The following FFAR4 variants were observed in gnomAD, a reference collection of about 807,000 sequenced individuals.
The protein encoded by FFAR4 is free fatty acid receptor 4, also known as G-protein coupled receptor 120.
FFAR4 carries 19 observed loss-of-function variants against 27.0 expected under a neutral mutation model. The ratio of observed to expected loss-of-function variants is 0.70; its 90% CI spans 0.49 to 1.03. The LOEUF (loss-of-function observed/expected upper bound fraction) is 1.03, where lower values mean the gene tolerates loss of function less well. Ranked by LOEUF, FFAR4 falls within the 50% of genes least tolerant of loss-of-function variation. FFAR4 has a pLI of 0.00. For synonymous variants in FFAR4, 254 were observed against 215.6 expected (o/e 1.18, Z -1.56); for missense variants, 476 against 479.0 (o/e 0.99, Z 0.06).
Position 93,567,228 on chromosome 10 carries a change from G to A in FFAR4, c.508G>A (p.Ala170Thr). The A allele has an allele frequency of 6.2e-7, 1 of 1,601,448 alleles. No individual in the cohort carries two copies. The highest frequency in any genetic ancestry group is 1.7e-5 in the Admixed American group (1 of 59,952). ...ALIWGYSAVAALPLCVFFRVV... is the reference protein window; with the variant it reads ...ALIWGYSAVATLPLCVFFRVV... ...CATCTGGGGCTATTCGGCGGTCGCC[G>A]CTCTGCCTCTCTGCGTCTTCTTCCG... Residue 170 changes from alanine (A) to threonine (T), a missense_variant, in exon 1 of 3, where the codon GCT (alanine) becomes ACT (threonine). Ala to Thr is a moderately conservative substitution (Grantham distance 58). Coordinates refer to ENST00000371481, the MANE Select transcript of FFAR4 (RefSeq NM_001195755.2).
Position 93,588,313 on chromosome 10 carries a change from C to G in FFAR4, c.*704C>G, listed in dbSNP as rs544802317. On this transcript the variant is annotated 3_prime_UTR_variant, in exon 3 of 3. Coordinates refer to ENST00000371481, the MANE Select transcript of FFAR4 (RefSeq NM_001195755.2). ...GGGTCACAGCCACCCTGTGCCCTAC[C>G]TTGGACTCGCAAGGGTTTAGGATCA... 1 of 152,096 alleles carries G rather than the reference C, an allele frequency of 6.6e-6. No individual in the cohort carries two copies. The highest frequency in any genetic ancestry group is 2.4e-5 in the African/African-American group (1 of 41,416). The allele number at this position is 152,096 out of a possible 1,614,324, so 9.4% of individuals were successfully genotyped here. A position where few individuals can be genotyped will look rare whatever the true frequency, so the allele number is the denominator to read the frequency against.
intron 2 of FFAR4, among the ~76,000 whole-genome samples, chr10:93,578,957 G>A (rs777948877): frequency 5.9e-5 from 9 of 152,086 alleles, no homozygotes; most frequent in Non-Finnish European, 1.0e-4. Context: ...CGTACCTCAC[G>A]CTTCTCAGCT....
chr10:93,567,245 C>G lies in FFAR4; in HGVS notation c.525C>G (p.Val175=). ...CGGTCGCCGCTCTGCCTCTCTGCGT[C>G]TTCTTCCGAGTCGTCCCGCAACGGC... ...YSAVAALPLC[V]FFRVVPQRLP... Residue 175 remains valine (V), a synonymous_variant, in exon 1 of 3, where the codon GTC becomes GTG. Transcript: ENST00000371481. 1 of 1,601,174 alleles carries G rather than the reference C, an allele frequency of 6.2e-7. No individual in the cohort carries two copies. Among genetic ancestry groups the G allele is most frequent in the Non-Finnish European group, 8.5e-7 (1 of 1,179,712 alleles).
Position 93,589,752 on chromosome 10 carries a change from C to CTATGGTTT in FFAR4, c.*2147_*2154dup, listed in dbSNP as rs888839098. On this transcript the variant is annotated 3_prime_UTR_variant, in exon 3 of 3. Coordinates refer to ENST00000371481, the MANE Select transcript of FFAR4 (RefSeq NM_001195755.2). ...GGAGATATAAATGGTGTTTATAGACCTATGGTTTTATAATACATCCCTTGG... is the reference window on the plus strand; with the variant it reads ...GGAGATATAAATGGTGTTTATAGACCTATGGTTTTATGGTTTTATAATACATCCCTTGG... The CTATGGTTT allele has an allele frequency of 2.6e-5, 4 of 152,188 alleles. No individual in the cohort carries two copies. The East Asian group carries it at 7.7e-4, about 29-fold the overall frequency. 9.4% of individuals were successfully genotyped at this position (152,188 alleles called of 1,614,324 possible).
In FFAR4 at chr10:93,566,798, C is replaced by T. The variant is rs776593554; in HGVS notation, c.78C>T (p.Pro26=). The change falls in exon 1 of 3, where the codon CCC becomes CCT. Residue 26 remains proline (P), a synonymous_variant. Transcript: ENST00000371481. ...AGCAAGCCAACCGCACCCGCTTTCC[C>T]TTCTTCTCCGACGTCAAGGGCGACC... The part of the protein sequence containing the change: ...SLEQANRTRF[P]FFSDVKGDHR... The T allele has an allele frequency of 1.9e-6, 3 of 1,608,628 alleles. No individual in the cohort carries two copies. The Admixed American group carries it at 5.0e-5, about 27-fold the overall frequency.
rs2058251232 is a variant in FFAR4, at chr10:93,589,642, G to C, written c.*2033G>C. 2 of 152,070 alleles carry C rather than the reference G, an allele frequency of 1.3e-5. No individual in the cohort carries two copies. The highest frequency in any genetic ancestry group is 1.3e-4 in the Admixed American group (2 of 15,266). The allele number at this position is 152,070 out of a possible 1,614,324, so 9.4% of individuals were successfully genotyped here. A position where few individuals can be genotyped will look rare whatever the true frequency, so the allele number is the denominator to read the frequency against. On this transcript the variant is annotated 3_prime_UTR_variant, in exon 3 of 3. Coordinates refer to ENST00000371481, the MANE Select transcript of FFAR4 (RefSeq NM_001195755.2). ...CAAGAGTTTCATTTGGAGCTCATCA[G>C]TTTGAAATCTCAGTGAGACTTCCAA...
At position 93,566,833 on chromosome 10, in the gene FFAR4, T is replaced by C; in HGVS notation, c.113T>C (p.Val38Ala). 4 of 1,600,634 alleles carry C rather than the reference T, an allele frequency of 2.5e-6. No individual in the cohort carries two copies. Among genetic ancestry groups the C allele is most frequent in the Non-Finnish European group, 3.4e-6 (4 of 1,175,478 alleles). Residue 38 changes from valine (V) to alanine (A), a missense_variant, in exon 1 of 3, where the codon GTG becomes GCG. By Grantham distance (64) the Val-to-Ala change is moderately conservative (BLOSUM62 0). Coordinates refer to ENST00000371481, the MANE Select transcript of FFAR4 (RefSeq NM_001195755.2). ...FSDVKGDHRL[V>A]LAAVETTVLV... The stretch of plus-strand genomic sequence containing the variant: ...GACGTCAAGGGCGACCACCGGCTGG[T>C]GCTGGCCGCGGTGGAGACAACCGTG...
chr10:93,587,472 A>T lies in FFAR4; in HGVS notation c.949A>T (p.Asn317Tyr), dbSNP rs754459173. The T allele has an allele frequency of 6.2e-7, 1 of 1,614,012 alleles. No individual in the cohort carries two copies. The highest frequency in any genetic ancestry group is 1.1e-5 in the South Asian group (1 of 91,060). Reference sequence around the variant, plus strand: ...CTTCACATTTGCTAATTCAGCCCTAAACCCCATCCTCTACAACATGACACT... The same window carrying T: ...CTTCACATTTGCTAATTCAGCCCTATACCCCATCCTCTACAACATGACACT... Reference protein sequence around the residue: ...VAFTFANSALNPILYNMTLCR... With the variant: ...VAFTFANSALYPILYNMTLCR... Residue 317 changes from asparagine to tyrosine, a missense_variant, in exon 3 of 3, where the codon AAC becomes TAC. Coordinates refer to ENST00000371481, the MANE Select transcript of FFAR4 (RefSeq NM_001195755.2).
intron 1 of FFAR4, among the ~76,000 whole-genome samples, chr10:93,571,217 C>A (rs1311305023): frequency 6.6e-6 from 1 of 152,184 alleles, no homozygotes; most frequent in Non-Finnish European, 1.5e-5. Context: ...TGCTGTGGAC[C>A]TGGCTGGGCA....
chr10:93,569,086 C>T (rs2058117257), intron 1 of FFAR4, among the ~76,000 whole-genome samples: 1 of 152,136 alleles, frequency 6.6e-6, no homozygotes, highest in African/African-American at 2.4e-5. Context: ...GGGCTTCTGC[C>T]ATCAGTTTCT....
chr10:93,576,067 T>A (rs1282084666), intron 1 of FFAR4, 24 bp from the exon 2 acceptor site: 2 of 1,612,678 alleles, frequency 1.2e-6, no homozygotes, highest in South Asian at 2.2e-5. Flanking sequence ...ATTTACATGA[T>A]GTTCTTTTCC....
At chr10:93,576,045 T>A (rs1170278421) in intron 1 of FFAR4, 46 bp from the exon 2 acceptor site, 2 of 1,608,146 alleles carry the variant, frequency 1.2e-6, no homozygotes, top group African/African-American at 1.3e-5. Context: ...CAGAGGCCAA[T>A]AAGAAGCCAG....
At position 93,588,625 on chromosome 10, in the gene FFAR4, A is replaced by T. The variant is rs1770240547; in HGVS notation, c.*1016A>T. 6.6e-6 allele frequency: 1 copy of T among 152,198 alleles called. No individual in the cohort carries two copies. The highest frequency in any genetic ancestry group is 1.5e-5 in the Non-Finnish European group (1 of 68,050). 9.4% of individuals were successfully genotyped at this position (152,198 alleles called of 1,614,324 possible). On this transcript the variant is annotated 3_prime_UTR_variant, in exon 3 of 3. Transcript: ENST00000371481. Reference sequence around the variant, plus strand: ...AGACAGCCATGGCCCTCTCTCAGGGAACTTACCTTCGAGTCAGGGGCAGAA... The same window carrying T: ...AGACAGCCATGGCCCTCTCTCAGGGTACTTACCTTCGAGTCAGGGGCAGAA...
At chr10:93,584,178 G>T (rs1415417198) in intron 2 of FFAR4, among the ~76,000 whole-genome samples, 1 of 152,230 alleles carries the variant, frequency 6.6e-6, no homozygotes, top group African/African-American at 2.4e-5. Context: ...TCTACATAAT[G>T]ACTTCCAGAC....
At chr10:93,569,642 G>C (rs1162670888) in intron 1 of FFAR4, among the ~76,000 whole-genome samples, 1 of 152,120 alleles carries the variant, frequency 6.6e-6, no homozygotes, top group South Asian at 2.1e-4. Context: ...AGAGGGATTT[G>C]GGCAAAGCCA....
intron 2 of FFAR4, among the ~76,000 whole-genome samples, chr10:93,583,451 AC>A (rs989221666): frequency 5.3e-5 from 8 of 151,752 alleles, no homozygotes; most frequent in South Asian, 2.1e-4. Context: ...CTGGACATCT[AC>A]CACATAGTGT....
At chr10:93,585,885 AG>A (rs1749774466) in intron 2 of FFAR4, among the ~76,000 whole-genome samples, 1 of 152,222 alleles carries the variant, frequency 6.6e-6, no homozygotes, top group South Asian at 2.1e-4. Flanking sequence ...AAGCTGCCCC[AG>A]CAAATGAGCA....
Position 93,587,930 on chromosome 10 carries a change from T to TAA in FFAR4, c.*331_*332dup. 4 of 168,062 alleles carry TAA rather than the reference T, an allele frequency of 2.4e-5. No homozygotes were observed. The South Asian group carries it at 4.2e-4, about 18-fold the overall frequency. 10.4% of individuals were successfully genotyped at this position (168,062 alleles called of 1,614,324 possible). A position where few individuals can be genotyped will look rare whatever the true frequency, so the allele number is the denominator to read the frequency against. ...GTGAGACCCCCGTCTCTACTAAAAA[T>TAA]AAAAAAAAAAATTAGCTGGGAGTGG... On this transcript the variant is annotated 3_prime_UTR_variant, in exon 3 of 3. Coordinates refer to ENST00000371481, the MANE Select transcript of FFAR4 (RefSeq NM_001195755.2).
In FFAR4 at chr10:93,587,555, C is replaced by A; in HGVS notation, c.1032C>A (p.Ala344=). The A allele has an allele frequency of 6.2e-7, 1 of 1,614,012 alleles. No homozygotes were observed. The highest frequency in any genetic ancestry group is 8.5e-7 in the Non-Finnish European group (1 of 1,179,984). Reference sequence around the variant, plus strand: ...GCTTCTGGTTCCCAGAAAAGGGAGCCATTTTAACAGACACATCTGTCAAAA... The same window carrying A: ...GCTTCTGGTTCCCAGAAAAGGGAGCAATTTTAACAGACACATCTGTCAAAA... ...FCCFWFPEKG[A]ILTDTSVKRN... The change falls in exon 3 of 3, where the codon GCC becomes GCA. Residue 344 remains alanine, a synonymous_variant. Coordinates refer to ENST00000371481, the MANE Select transcript of FFAR4 (RefSeq NM_001195755.2).
Sources: allele counts gnomAD v4.1 joint callset (sites outside exome capture counted in the v4.1 genomes callset), GRCh38; gene constraint gnomAD v4.1.1; transcripts MANE v1.5; gene names NCBI Gene and HGNC (gene_info 2026-07-23, HGNC 2026-07-21).